The following BCAR1 variants were observed in gnomAD, a reference collection of about 807,000 sequenced individuals.
BCAR1 encodes BCAR1 scaffold protein, Cas family member.
Under a neutral mutation model 67.6 loss-of-function variants are expected in BCAR1, and 30 were observed. The ratio of observed to expected loss-of-function variants is 0.44; its 90% CI spans 0.33 to 0.60. The LOEUF (loss-of-function observed/expected upper bound fraction) is 0.60. Ranked by LOEUF, BCAR1 falls within the 20% of genes least tolerant of loss-of-function variation. BCAR1 has a pLI of 0.02. For synonymous variants in BCAR1, 626 were observed against 556.7 expected (o/e 1.12, Z -1.75); for missense variants, 1,313 against 1,222.3 (o/e 1.07, Z -1.11).
Position 75,235,453 on chromosome 16 carries a change from G to A in BCAR1, c.1446C>T (p.Gly482=). The A allele has an allele frequency of 6.2e-7, 1 of 1,607,344 alleles. No homozygotes were observed. The highest frequency in any genetic ancestry group is 1.7e-4 in the Middle Eastern group (1 of 6,056). Residue 482 remains glycine (G), a synonymous_variant, in exon 5 of 7, where the codon GGC becomes GGT. Transcript: ENST00000162330. ...ATVAHLLDLA[G]SAGATGSWRS... The stretch of plus-strand genomic sequence containing the variant: ...GCCAGCTCCCAGTCGCACCGGCGCT[G>A]CCTGCCAGGTCCAGAAGGTGGGCAA...
At chr16:75,244,088 G>C (rs995541946) in intron 1 of BCAR1, among the ~76,000 whole-genome samples, 5 of 152,218 alleles carry the variant, frequency 3.3e-5, no homozygotes, top group Non-Finnish European at 7.3e-5. Context: ...AGGGAAGCCG[G>C]GTGTGAGAAC....
At chr16:75,264,538 G>A (rs1355597282) in intron 1 of BCAR1, 1 of 1,391,114 alleles carries the variant, frequency 7.2e-7, no homozygotes, top group Non-Finnish European at 9.3e-7. Context: ...AGACGATTAT[G>A]CTCTGAACCA....
chr16:75,244,862 C>T (rs78280688), intron 1 of BCAR1, among the ~76,000 whole-genome samples: 1,610 of 152,358 alleles, frequency 0.011, 17 homozygotes, highest in African/African-American at 0.036. Context: ...GTGAAAAGCA[C>T]ATCTCAAGAA....
intron 1 of BCAR1, 93 bp downstream of exon 1, chr16:75,251,378 C>T: frequency 2.1e-6 from 3 of 1,442,090 alleles, no homozygotes; most frequent in Middle Eastern, 1.8e-4. Context: ...CCAGGCCCCG[C>T]AGGTCCGGCA....
At chr16:75,254,589 T>A (rs1411004218), upstream of BCAR1, among the ~76,000 whole-genome samples, 1 of 152,072 alleles carries the variant, frequency 6.6e-6, no homozygotes, top group African/African-American at 2.4e-5. Flanking sequence ...CACGCATGCG[T>A]ATACACACAG....
intron 2 of BCAR1, chr16:75,238,877 C>A (rs2077236506): frequency 1.0e-6 from 1 of 985,280 alleles, no homozygotes; most frequent in African/African-American, 1.7e-5. Context: ...TTCTCCAGGC[C>A]TCCCAGCCTC....
At chr16:75,253,787 A>G (rs1490300578), upstream of BCAR1, among the ~76,000 whole-genome samples, 1 of 151,674 alleles carries the variant, frequency 6.6e-6, no homozygotes, top group Non-Finnish European at 1.5e-5. Context: ...TGGCCGGGGT[A>G]TATGGGGGCA....
chr16:75,266,766 C>G, intron 1 of BCAR1: 1 of 1,451,790 alleles, frequency 6.9e-7, no homozygotes. Context: ...TTCCTGGGGA[C>G]GGTGGGTGAG....
In BCAR1 at chr16:75,235,462, G is replaced by A; in HGVS notation, c.1437C>T (p.Asp479=). The change falls in exon 5 of 7, where the codon GAC becomes GAT. Residue 479 remains aspartate (D), a synonymous_variant. Coordinates refer to ENST00000162330, the MANE Select transcript of BCAR1 (RefSeq NM_014567.5). The part of the protein sequence containing the change: ...GVSATVAHLL[D]LAGSAGATGS... ...CAGTCGCACCGGCGCTGCCTGCCAG[G>A]TCCAGAAGGTGGGCAACGGTGGCGC... The A allele has an allele frequency of 6.2e-7, 1 of 1,606,994 alleles. No homozygotes were observed. Among genetic ancestry groups the A allele is most frequent in the Non-Finnish European group, 8.5e-7 (1 of 1,178,114 alleles).
chr16:75,243,445 A>C, intron 1 of BCAR1: 3 of 582,960 alleles, frequency 5.1e-6, no homozygotes, highest in Non-Finnish European at 9.9e-6. Context: ...AATCACGACA[A>C]AGCTGCCAAG....
chr16:75,230,388 C>T (rs973032652), intron 6 of BCAR1, among the ~76,000 whole-genome samples: 1 of 152,166 alleles, frequency 6.6e-6, no homozygotes, highest in African/African-American at 2.4e-5. Context: ...CTGAAGGGCA[C>T]TGGGGACCCC....
intron 6 of BCAR1, among the ~76,000 whole-genome samples, chr16:75,231,810 TTC>T (rs2076910225): frequency 6.6e-6 from 1 of 152,246 alleles, no homozygotes; most frequent in Non-Finnish European, 1.5e-5. Context: ...ACACGACCAC[TTC>T]TGAAAACACG....
chr16:75,263,527 G>A (rs992107668), intron 1 of BCAR1: 19 of 985,278 alleles, frequency 1.9e-5, no homozygotes, highest in South Asian at 1.9e-4. Flanking sequence ...CTCTGGGTCC[G>A]GGACTGCATG....
In BCAR1 at chr16:75,235,867, G is replaced by A. The variant is rs371659657; in HGVS notation, c.1032C>T (p.Thr344=). The A allele has an allele frequency of 1.4e-4, 213 of 1,563,742 alleles. No homozygotes were observed. The highest frequency in any genetic ancestry group is 1.8e-4 in the Non-Finnish European group (208 of 1,155,618). ...AKAKPFDPAR[T]PLVLAAPPPD... is the part of the protein sequence containing the mutation. ...GAGGGGGCGCAGCCAGTACCAGTGG[G>A]GTGCGGGCCGGGTCAAAGGGCTTGG... Residue 344 remains threonine, a synonymous_variant, in exon 5 of 7, where the codon ACC becomes ACT. Coordinates refer to ENST00000162330, the MANE Select transcript of BCAR1 (RefSeq NM_014567.5).
At chr16:75,234,018 C>G (rs2076996884) in intron 5 of BCAR1, 83 bp from the exon 6 acceptor site, 3 of 1,364,892 alleles carry the variant, frequency 2.2e-6, no homozygotes, top group Non-Finnish European at 2.0e-6. Context: ...GCGCAGTGAG[C>G]TGAGTGGCCA....
intron 1 of BCAR1, chr16:75,265,808 G>C (rs2077997941): frequency 8.3e-7 from 1 of 1,198,352 alleles, no homozygotes; most frequent in Non-Finnish European, 1.0e-6. Context: ...CGGGGTCCCG[G>C]GCGGCGCGGT....
chr16:75,230,156 G>C (rs566573581), intron 6 of BCAR1, 133 bp from the exon 7 acceptor site: 4 of 1,122,104 alleles, frequency 3.6e-6, no homozygotes, highest in Non-Finnish European at 4.8e-6. Context: ...GCAGGGAAAC[G>C]GGCAGTCTCC....
rs554352812 is a variant in BCAR1 at position 75,236,870 on chromosome 16, G to A, written c.912+12C>T. On this transcript the variant is annotated intron_variant, in intron 4 of 6. Coordinates refer to ENST00000162330, the MANE Select transcript of BCAR1 (RefSeq NM_014567.5). Reference sequence around the variant, plus strand: ...TCAGCCTGGCCCTGGCATTGCCCTGGCATTTGCTCACTGCGTGGTGGTTGG... The same window carrying A: ...TCAGCCTGGCCCTGGCATTGCCCTGACATTTGCTCACTGCGTGGTGGTTGG... The A allele has an allele frequency of 6.8e-6, 11 of 1,609,964 alleles. No homozygotes were observed. In the African/African-American group the frequency reaches 9.3e-5, roughly 14 times the overall value.
chr16:75,250,908 C>G, intron 1 of BCAR1: 3 of 985,528 alleles, frequency 3.0e-6, no homozygotes, highest in Non-Finnish European at 3.6e-6. Context: ...ACTCCCGCTC[C>G]GCTCCCGGAA....
Sources: allele counts gnomAD v4.1 joint callset (sites outside exome capture counted in the v4.1 genomes callset), GRCh38; gene constraint gnomAD v4.1.1; transcripts MANE v1.5; gene names NCBI Gene and HGNC (gene_info 2026-07-23, HGNC 2026-07-21).